INPP5D: variants seen among roughly 807,000 people sequenced by gnomAD.
The protein encoded by INPP5D is phosphatidylinositol 3,4,5-trisphosphate 5-phosphatase 1.
INPP5D carries 33 observed loss-of-function variants against 122.9 expected under a neutral mutation model. The ratio of observed to expected loss-of-function variants is 0.27; its 90% CI spans 0.20 to 0.36. The LOEUF (loss-of-function observed/expected upper bound fraction) is 0.36. INPP5D is among the 10% of genes least tolerant of loss of function. The pLI is 1.00. For synonymous variants in INPP5D, 584 were observed against 576.2 expected, an observed-to-expected ratio of 1.01 and a Z score of -0.19; for missense variants, 1,053 against 1,412.7, an observed-to-expected ratio of 0.75 and a Z score of 4.08.
At chr2:233,065,504 T>C (rs1691189475) in intron 1 of INPP5D, among the ~76,000 whole-genome samples, 1 of 151,134 alleles carries the variant, frequency 6.6e-6, no homozygotes, top group Admixed American at 6.6e-5. Context: ...TCAGGTGATC[T>C]GGCCTCTTTA....
chr2:233,076,981 T>A (rs1691535802), intron 1 of INPP5D, among the ~76,000 whole-genome samples: 1 of 152,130 alleles, frequency 6.6e-6, no homozygotes. Context: ...AAATAGCAAA[T>A]CTCCAGGTCA....
intron 2 of INPP5D, among the ~76,000 whole-genome samples, chr2:233,094,488 G>A: frequency 1.3e-5 from 1 of 76,934 alleles, no homozygotes; most frequent in East Asian, 4.1e-4. Flanking sequence ...ACTCCAGCTT[G>A]GGCAATAGAG....
At chr2:233,162,791 C>T (rs1356364422) in intron 11 of INPP5D, among the ~76,000 whole-genome samples, 3 of 152,250 alleles carry the variant, frequency 2.0e-5, no homozygotes, top group South Asian at 2.1e-4. Flanking sequence ...CCACAGCAGC[C>T]GTGGAGTAGA....
intron 2 of INPP5D, among the ~76,000 whole-genome samples, chr2:233,081,897 G>A (rs143458045): frequency 2.0e-5 from 3 of 152,092 alleles, no homozygotes; most frequent in Admixed American, 2.0e-4. Flanking sequence ...GGCTTTCTCC[G>A]CATGAGCCAC....
At chr2:233,198,037 G>A (rs1354240860) in intron 24 of INPP5D, 58 bp from the exon 25 acceptor site, 2 of 1,479,026 alleles carry the variant, frequency 1.4e-6, no homozygotes, top group African/African-American at 2.8e-5. Flanking sequence ...CCTTGGGCTG[G>A]TGCTGACCCC....
intron 26 of INPP5D, 89 bp downstream of exon 26, chr2:233,204,806 ATGTG>A: frequency 1.4e-6 from 2 of 1,426,854 alleles, no homozygotes; most frequent in Non-Finnish European, 1.8e-6. Flanking sequence ...ATGTGTGTGC[ATGTG>A]TGTGTGCACG....
rs755229947 is a variant in INPP5D, at chr2:233,079,319, C to T, written c.135-16C>T. 1 of 1,556,494 alleles carries T rather than the reference C, an allele frequency of 6.4e-7. No individual in the cohort carries two copies. Among genetic ancestry groups the T allele is most frequent in the Non-Finnish European group, 8.9e-7 (1 of 1,127,776 alleles). ...CTTCCTGCATGGGTTCTAATAAAGTCTTTGATCTATTTCAGGTATCGGAAT... is the reference window on the plus strand; with the variant it reads ...CTTCCTGCATGGGTTCTAATAAAGTTTTTGATCTATTTCAGGTATCGGAAT... On this transcript the variant is annotated splice_polypyrimidine_tract_variant and intron_variant, in intron 1 of 26. Coordinates refer to ENST00000445964, the MANE Select transcript of INPP5D (RefSeq NM_001017915.3).
chr2:233,145,695 T>G (rs1574762777), intron 6 of INPP5D, among the ~76,000 whole-genome samples: 1 of 150,284 alleles, frequency 6.7e-6, no homozygotes, highest in Non-Finnish European at 1.5e-5. Flanking sequence ...GTGGGGCGGG[T>G]GAGGTGGGGG....
intron 14 of INPP5D, 135 bp downstream of exon 14, chr2:233,169,536 C>T: frequency 7.4e-7 from 1 of 1,356,796 alleles, no homozygotes; most frequent in Non-Finnish European, 9.9e-7. Flanking sequence ...TTTCAGGGCC[C>T]ACCACAGTCT....
At position 233,118,656 on chromosome 2, in the gene INPP5D, CT is replaced by C. The variant is rs546616735; in HGVS notation, c.199-3450del. Among the ~76,000 whole-genome samples, 237 of 152,348 alleles carry C rather than the reference CT, an allele frequency of 1.6e-3. 2 individuals carry two copies. In the Middle Eastern group the frequency reaches 0.027, roughly 17 times the overall value. ...ACTGCCTGCAGGCACAGGGTGCTTC[CT>C]GCGGGCCCACTGCACACAGCAGGTT... is the stretch of plus-strand genomic sequence containing the variant. On this transcript the variant is annotated intron_variant, in intron 2 of 26. Transcript: ENST00000445964.
At chr2:233,112,686 A>T (rs1056156063) in intron 2 of INPP5D, among the ~76,000 whole-genome samples, 29 of 151,922 alleles carry the variant, frequency 1.9e-4, no homozygotes, top group African/African-American at 4.8e-4. Context: ...TCTTTTTTTT[A>T]AAAAATACCG....
chr2:233,085,542 T>C (rs913447914), intron 2 of INPP5D, among the ~76,000 whole-genome samples: 6 of 152,202 alleles, frequency 3.9e-5, no homozygotes, highest in Admixed American at 1.3e-4. Context: ...TTTCCTTTCA[T>C]TGATAGTACC....
Position 233,130,560 on chromosome 2 carries a change from G to A in INPP5D, c.577G>A (p.Ala193Thr), listed in dbSNP as rs1316878579. Reference protein sequence around the residue: ...AIQDYLSTQLAQDSEFVKTGS... With the variant: ...AIQDYLSTQLTQDSEFVKTGS... ...CCAAGATTATTTAAGCACTCAGCTC[G>A]CCCAGGACTCTGAATTTGTGAAGAC... The change falls in exon 5 of 27, where the codon GCC becomes ACC. Residue 193 changes from alanine to threonine, a missense_variant. By Grantham distance (58) the Ala-to-Thr change is moderately conservative. This residue lies in a region of INPP5D where 196 missense variants were observed against 175.6 expected (regional missense o/e 1.12). Transcript: ENST00000445964. 57 of 1,613,772 alleles carry A rather than the reference G, an allele frequency of 3.5e-5. No homozygotes were observed. Among genetic ancestry groups the A allele is most frequent in the Non-Finnish European group, 4.3e-5 (51 of 1,179,880 alleles).
intron 2 of INPP5D, among the ~76,000 whole-genome samples, chr2:233,113,007 A>G (rs887265048): frequency 1.3e-5 from 2 of 152,050 alleles, no homozygotes; most frequent in Non-Finnish European, 2.9e-5. Context: ...GACACTTCCC[A>G]TTCCAATCCA....
intron 9 of INPP5D, among the ~76,000 whole-genome samples, chr2:233,154,033 G>T (rs935209766): frequency 3.3e-5 from 5 of 152,240 alleles, no homozygotes; most frequent in Non-Finnish European, 7.3e-5. Context: ...GAGAAGCCCT[G>T]CTCGACAGAC....
Position 233,177,354 on chromosome 2 carries a change from C to A in INPP5D, c.2071+8C>A. The A allele has an allele frequency of 6.2e-7, 1 of 1,613,714 alleles. No homozygotes were observed. On this transcript the variant is annotated splice_region_variant and intron_variant, in intron 18 of 26. Coordinates refer to ENST00000445964, the MANE Select transcript of INPP5D (RefSeq NM_001017915.3). The surrounding 1 kb of genome is among the most constrained non-coding windows in gnomAD (Gnocchi z 4.2). ...TGGTGTGTCAGTCTTATGGTGAGTT[C>A]AAACACTGGGGAAAGCAGAACAGGA...
rs1048922178 is a variant in INPP5D at position 233,128,291 on chromosome 2, G to A, written c.525-2217G>A. The stretch of plus-strand genomic sequence containing the variant: ...TGGAATAATTGTCTTCCACAAAACC[G>A]GTCCCTTGTGCCAAAAAGGTTGGGG... On this transcript the variant is annotated intron_variant, in intron 4 of 26. Coordinates refer to ENST00000445964, the MANE Select transcript of INPP5D (RefSeq NM_001017915.3). This position sits in a 1 kb window ranked among gnomAD's most constrained non-coding sequence, Gnocchi z 4.5. 7.2e-5 allele frequency among the ~76,000 whole-genome samples: 11 copies of A among 152,072 alleles called. No homozygotes were observed. The highest frequency in any genetic ancestry group is 1.9e-4 in the East Asian group (1 of 5,192).
At chr2:233,190,936 G>T in intron 22 of INPP5D, among the ~76,000 whole-genome samples, 1 of 152,192 alleles carries the variant, frequency 6.6e-6, no homozygotes, top group East Asian at 1.9e-4. Context: ...TGATCAAGAC[G>T]ACAGATGAGT....
chr2:233,152,128 A>T (rs1454762763), intron 9 of INPP5D, among the ~76,000 whole-genome samples: 1 of 152,204 alleles, frequency 6.6e-6, no homozygotes, highest in African/African-American at 2.4e-5. Context: ...AGCCTCAATG[A>T]TGCCTCCACA....
Sources: allele counts gnomAD v4.1 joint callset (sites outside exome capture counted in the v4.1 genomes callset), GRCh38; gene constraint gnomAD v4.1.1; regional missense constraint gnomAD v4.1.1; non-coding constraint Gnocchi (gnomAD v3.1); transcripts MANE v1.5; gene names NCBI Gene and HGNC (gene_info 2026-07-23, HGNC 2026-07-21).